The following STARD9 variants were observed in gnomAD, a reference collection of about 807,000 sequenced individuals.
The protein encoded by STARD9 is stAR-related lipid transfer protein 9.
A neutral mutation model predicts 399.8 loss-of-function variants in STARD9; 346 were observed. That is an observed-to-expected ratio of 0.87 (90% CI 0.79 to 0.95). STARD9 has a LOEUF of 0.95. STARD9 is among the 40% of genes least tolerant of loss of function. STARD9 has a pLI of 0.00. For missense variants in STARD9, 5,832 were observed against 5,667.5 expected, an observed-to-expected ratio of 1.03 and a Z score of -0.93; for synonymous variants, 2,203 against 2,143.5, an observed-to-expected ratio of 1.03 and a Z score of -0.77.
chr15:42,598,263 C>T (rs1404678557), intron 3 of STARD9, among the ~76,000 whole-genome samples: 1 of 148,902 alleles, frequency 6.7e-6, no homozygotes, highest in African/African-American at 2.5e-5. Context: ...GATCTCCTGA[C>T]CTCGTGATCT....
In STARD9 at chr15:42,682,228, T is replaced by C; in HGVS notation, c.2190T>C (p.Asp730=). ...CACTTGATGCTTGGCTTCAGACAGA[T>C]CCTGAGATTCAGCCATCCCCATTTG... ...SVALDAWLQT[D]PEIQPSPFVQ... Residue 730 remains aspartate (D), a synonymous_variant, in exon 22 of 33, where the codon GAT becomes GAC. Transcript: ENST00000290607. The C allele has an allele frequency of 6.5e-7, 1 of 1,537,216 alleles. No homozygotes were observed. Among genetic ancestry groups the C allele is most frequent in the Non-Finnish European group, 8.7e-7 (1 of 1,146,898 alleles).
intron 9 of STARD9, among the ~76,000 whole-genome samples, chr15:42,656,597 T>C (rs771916381): frequency 6.6e-6 from 1 of 151,930 alleles, no homozygotes; most frequent in Non-Finnish European, 1.5e-5. Flanking sequence ...CGTCAATGAG[T>C]GGTTAAAGAA....
rs1236914201 is a variant in STARD9, at chr15:42,662,852, A to C, written c.829A>C (p.Lys277Gln). 1 of 1,537,414 alleles carries C rather than the reference A, an allele frequency of 6.5e-7. No individual in the cohort carries two copies. Among genetic ancestry groups the C allele is most frequent in the East Asian group, 2.4e-5 (1 of 40,894 alleles). Residue 277 changes from lysine to glutamine, a missense_variant, in exon 11 of 33, where the codon AAG becomes CAG. Lys to Gln is a moderately conservative substitution (Grantham distance 53). Coordinates refer to ENST00000290607, the MANE Select transcript of STARD9 (RefSeq NM_020759.3). ...DRIAEGANIN[K>Q]SLVTLGIVIS... ...CATTGCTGAAGGAGCCAATATCAACAAGTCCCTTGTGACTCTAGGAATTGT... is the reference window on the plus strand; with the variant it reads ...CATTGCTGAAGGAGCCAATATCAACCAGTCCCTTGTGACTCTAGGAATTGT...
chr15:42,684,897 T>C lies in STARD9; in HGVS notation c.3319T>C (p.Tyr1107His). The C allele has an allele frequency of 6.5e-7, 1 of 1,537,070 alleles. No homozygotes were observed. Among genetic ancestry groups the C allele is most frequent in the Non-Finnish European group, 8.7e-7 (1 of 1,146,914 alleles). ...TGATTTATCTGACACAGATAGCAAC[T>C]ACTCATTGGATTCTCTCTCATGTGT... ...DNDLSDTDSN[Y>H]SLDSLSCVYA... The change falls in exon 23 of 33, where the codon TAC becomes CAC. Residue 1107 changes from tyrosine (Y) to histidine (H), a missense_variant. Tyr to His is a moderately conservative substitution (Grantham distance 83). Transcript: ENST00000290607.
rs2060717113 is a variant in STARD9 at position 42,691,927 on chromosome 15, G to A, written c.10349G>A (p.Trp3450Ter). The A allele has an allele frequency of 6.5e-7, 1 of 1,537,158 alleles. No individual in the cohort carries two copies. Reference protein sequence around the residue: ...KLGVQVRPENWCSQMDKGMLH... With the variant: ...KLGVQVRPEN ...GGTGTCCAGGTTAGGCCAGAAAATT[G>A]GTGCTCTCAGATGGACAAAGGAATG... The change falls in exon 23 of 33, where the codon TGG (tryptophan) becomes TAG (stop). Residue 3450 changes from tryptophan to a stop codon, truncating the protein, a stop_gained. Transcript: ENST00000290607. LOFTEE classifies it high-confidence loss of function.
intron 3 of STARD9, among the ~76,000 whole-genome samples, chr15:42,605,028 G>T (rs1490735869): frequency 1.3e-5 from 2 of 152,140 alleles, no homozygotes; most frequent in Admixed American, 1.3e-4. Context: ...GCTGTTTCAT[G>T]TACATAAATT....
Position 42,669,329 on chromosome 15 carries a change from C to T in STARD9, c.1489C>T (p.His497Tyr). The T allele has an allele frequency of 6.6e-7, 1 of 1,514,150 alleles. No individual in the cohort carries two copies. Among genetic ancestry groups the T allele is most frequent in the Non-Finnish European group, 8.9e-7 (1 of 1,128,196 alleles). 93.8% of individuals were successfully genotyped at this position (1,514,150 alleles called of 1,614,324 possible). The change falls in exon 16 of 33, where the codon CAT becomes TAT. Residue 497 changes from histidine to tyrosine, a missense_variant. By Grantham distance (83) the His-to-Tyr change is moderately conservative. This residue lies in a region of STARD9 where 5,828 missense variants were observed against 5,651.1 expected (regional missense o/e 1.03). Transcript: ENST00000290607. Reference protein sequence around the residue: ...DVLSTGVVLYHLKEGTTKIGR... With the variant: ...DVLSTGVVLYYLKEGTTKIGR... Reference sequence around the variant, plus strand: ...GCTCAGCACAGGTGTTGTGCTCTATCATCTCAAGGTGAGGAGGCTAGTGTA... The same window carrying T: ...GCTCAGCACAGGTGTTGTGCTCTATTATCTCAAGGTGAGGAGGCTAGTGTA...
At position 42,695,885 on chromosome 15, in the gene STARD9, G is replaced by GT; in HGVS notation, c.13284+6dup. On this transcript the variant is annotated splice_donor_region_variant and intron_variant, in intron 26 of 32. Coordinates refer to ENST00000290607, the MANE Select transcript of STARD9 (RefSeq NM_020759.3). Reference sequence around the variant, plus strand: ...CTCCAGTTCCCAGAGAATATGGTGAGTAGGCAGATGTTGGGAATGAGCCAG... The same window carrying GT: ...CTCCAGTTCCCAGAGAATATGGTGAGTTAGGCAGATGTTGGGAATGAGCCAG... 1 of 1,536,656 alleles carries GT rather than the reference G, an allele frequency of 6.5e-7. No homozygotes were observed. The highest frequency in any genetic ancestry group is 8.7e-7 in the Non-Finnish European group (1 of 1,146,522).
intron 26 of STARD9, among the ~76,000 whole-genome samples, chr15:42,699,747 C>G (rs1047681841): frequency 6.6e-6 from 1 of 150,442 alleles, no homozygotes; most frequent in East Asian, 2.0e-4. Flanking sequence ...CACTCTGTTG[C>G]CCAAGCTGGA....
intron 7 of STARD9, 109 bp downstream of exon 7, chr15:42,638,921 A>G (rs1227032247): frequency 8.3e-6 from 5 of 601,194 alleles, no homozygotes; most frequent in Non-Finnish European, 1.4e-5. Flanking sequence ...ATCGTGTGCC[A>G]GCTACTGTAC....
At chr15:42,711,221 C>A (rs1052676493) in intron 26 of STARD9, among the ~76,000 whole-genome samples, 2 of 151,418 alleles carry the variant, frequency 1.3e-5, no homozygotes, top group Non-Finnish European at 2.9e-5. Flanking sequence ...CTCACTGCAA[C>A]CTCTGCCTCC....
intron 3 of STARD9, among the ~76,000 whole-genome samples, chr15:42,617,891 C>T (rs1402881321): frequency 6.6e-6 from 1 of 151,984 alleles, no homozygotes; most frequent in Non-Finnish European, 1.5e-5. Flanking sequence ...TCCAGAGTAG[C>T]TGGGAATGCC....
chr15:42,696,214 C>T (rs6493061), intron 26 of STARD9, among the ~76,000 whole-genome samples: 2 of 152,036 alleles, frequency 1.3e-5, no homozygotes, highest in Non-Finnish European at 1.5e-5. Flanking sequence ...TGTTTGAAGG[C>T]GGGTTGCTAA....
At chr15:42,681,339 T>C in intron 20 of STARD9, 83 bp from the exon 21 acceptor site, 1 of 1,374,540 alleles carries the variant, frequency 7.3e-7, no homozygotes, top group Admixed American at 2.6e-5. Context: ...AGGGGCTCTC[T>C]TGGAAGGCCT....
Position 42,690,051 on chromosome 15 carries a change from A to C in STARD9, c.8473A>C (p.Thr2825Pro), listed in dbSNP as rs1566943843. Residue 2825 changes from threonine to proline, a missense_variant, in exon 23 of 33, where the codon ACA (threonine) becomes CCA (proline). This residue lies in a region of STARD9 where 5,828 missense variants were observed against 5,651.1 expected (regional missense o/e 1.03). Transcript: ENST00000290607. The stretch of plus-strand genomic sequence containing the variant: ...TGTGACCTGTGATGTTCAGAATTCT[A>C]CAAGTGCCTCAGGGCCTAAGCAAGA... Reference protein sequence around the residue: ...QSVTCDVQNSTSASGPKQDHV... With the variant: ...QSVTCDVQNSPSASGPKQDHV... 2.0e-6 allele frequency: 3 copies of C among 1,537,496 alleles called. No homozygotes were observed. Among genetic ancestry groups the C allele is most frequent in the Non-Finnish European group, 1.7e-6 (2 of 1,146,954 alleles).
At chr15:42,653,332 T>G (rs1051858302) in intron 9 of STARD9, among the ~76,000 whole-genome samples, 1 of 152,084 alleles carries the variant, frequency 6.6e-6, no homozygotes, top group Non-Finnish European at 1.5e-5. Flanking sequence ...GAAAATAGAT[T>G]AAAGGAATGT....
At chr15:42,616,208 A>G (rs1436914469) in intron 3 of STARD9, among the ~76,000 whole-genome samples, 1 of 152,202 alleles carries the variant, frequency 6.6e-6, no homozygotes, top group African/African-American at 2.4e-5. Flanking sequence ...AGGCAAAAAG[A>G]CTCCAGAAAT....
In STARD9 at chr15:42,688,860, A is replaced by G. The variant is rs1250884552; in HGVS notation, c.7282A>G (p.Ile2428Val). ...TAGTCAATCTGGTGTACCAGAGAGCATTCCTCTGGGGACAGAGGACAGGAT... is the reference window on the plus strand; with the variant it reads ...TAGTCAATCTGGTGTACCAGAGAGCGTTCCTCTGGGGACAGAGGACAGGAT... ...SHSQSGVPES[I>V]PLGTEDRISA... The change falls in exon 23 of 33, where the codon ATT (isoleucine) becomes GTT (valine). Residue 2428 changes from isoleucine (I) to valine (V), a missense_variant. Physicochemically the swap from Ile to Val is conservative, Grantham distance 29. Around this residue, in one of 2 missense-constraint regions of STARD9, gnomAD observed 5,828 missense variants for 5,651.1 expected, o/e 1.03. Transcript: ENST00000290607. The G allele has an allele frequency of 1.3e-5, 20 of 1,536,958 alleles. No individual in the cohort carries two copies. Among genetic ancestry groups the G allele is most frequent in the Non-Finnish European group, 1.7e-5 (20 of 1,146,720 alleles).
chr15:42,585,440 A>G lies in STARD9; in HGVS notation c.118-81A>G, dbSNP rs188007150. The stretch of plus-strand genomic sequence containing the variant: ...ATGACCAGTCCAAGTCTCTCTAGCT[A>G]TGGTAGAGGGTGATCAAGTGCCACT... On this transcript the variant is annotated intron_variant, in intron 2 of 32. Transcript: ENST00000290607. 9.2e-5 allele frequency: 76 copies of G among 827,232 alleles called. No individual in the cohort carries two copies. The African/African-American group carries it at 1.0e-3, about 11-fold the overall frequency. The allele number at this position is 827,232 out of a possible 1,614,324, so 51.2% of individuals were successfully genotyped here.
Sources: allele counts gnomAD v4.1 joint callset (sites outside exome capture counted in the v4.1 genomes callset), GRCh38; gene constraint gnomAD v4.1.1; regional missense constraint gnomAD v4.1.1; transcripts MANE v1.5; gene names NCBI Gene and HGNC (gene_info 2026-07-23, HGNC 2026-07-21).